The following TAOK3 variants were observed in gnomAD, a reference collection of about 807,000 sequenced individuals.
TAOK3 encodes the protein serine/threonine-protein kinase TAO3.
TAOK3 carries 40 observed loss-of-function variants against 120.4 expected under a neutral mutation model. That is an observed-to-expected ratio of 0.33 (90% CI 0.26 to 0.43). TAOK3 has a LOEUF of 0.43. Ranked by LOEUF, TAOK3 falls within the 20% of genes least tolerant of loss-of-function variation. The probability of loss-of-function intolerance (pLI) is 1.00; values close to 1 mark genes in which losing one functional copy is unlikely to be tolerated. For synonymous variants in TAOK3, 355 were observed against 387.5 expected, an observed-to-expected ratio of 0.92 and a Z score of 0.99; for missense variants, 821 against 1,112.1, an observed-to-expected ratio of 0.74 and a Z score of 3.72.
chr12:118,353,726 G>A (rs918116900), intron 1 of TAOK3, among the ~76,000 whole-genome samples: 2 of 152,184 alleles, frequency 1.3e-5, no homozygotes, highest in African/African-American at 4.8e-5. Flanking sequence ...AATGAGCCTT[G>A]AGACTATTAT....
At chr12:118,300,198 G>A (rs765627601) in intron 1 of TAOK3, among the ~76,000 whole-genome samples, 3 of 152,242 alleles carry the variant, frequency 2.0e-5, no homozygotes, top group Middle Eastern at 6.8e-3. Context: ...TAATGCAAAT[G>A]TACTCACGTG....
At chr12:118,181,065 G>T (rs999241042) in intron 15 of TAOK3, among the ~76,000 whole-genome samples, 1 of 151,878 alleles carries the variant, frequency 6.6e-6, no homozygotes, top group Non-Finnish European at 1.5e-5. Context: ...GGCTGGTCTC[G>T]AACTCCTGAC....
chr12:118,210,813 A>G (rs2038588207), intron 11 of TAOK3, among the ~76,000 whole-genome samples: 2 of 144,022 alleles, frequency 1.4e-5, no homozygotes, highest in African/African-American at 5.2e-5. Flanking sequence ...ATCTTGGCTC[A>G]CTGTAACCTC....
At chr12:118,260,492 G>A (rs975798878) in intron 2 of TAOK3, among the ~76,000 whole-genome samples, 1 of 152,078 alleles carries the variant, frequency 6.6e-6, no homozygotes. Flanking sequence ...TCATAATGAG[G>A]AGAAAAATAA....
At chr12:118,254,146 C>G (rs1385249974) in intron 3 of TAOK3, among the ~76,000 whole-genome samples, 1 of 152,210 alleles carries the variant, frequency 6.6e-6, no homozygotes, top group African/African-American at 2.4e-5. Context: ...TTGTTTTTCT[C>G]ATCAGGAGAT....
intron 2 of TAOK3, among the ~76,000 whole-genome samples, chr12:118,264,204 C>G (rs76795586): frequency 0.02 from 3,099 of 152,274 alleles, 109 homozygotes; most frequent in African/African-American, 0.071. Flanking sequence ...ATACACCTAT[C>G]ATATGATGTA....
intron 3 of TAOK3, among the ~76,000 whole-genome samples, chr12:118,253,110 G>T (rs1257420690): frequency 6.6e-6 from 1 of 152,176 alleles, no homozygotes; most frequent in African/African-American, 2.4e-5. Context: ...GTTATTGATG[G>T]TAGTGAGGGA....
chr12:118,151,674 A>C (rs150910755), intron 20 of TAOK3, among the ~76,000 whole-genome samples: 38 of 152,346 alleles, frequency 2.5e-4, no homozygotes, highest in African/African-American at 8.7e-4. Context: ...TGGTTAAGCA[A>C]ATAAATGCTT....
intron 1 of TAOK3, among the ~76,000 whole-genome samples, chr12:118,309,306 GC>G (rs1470073586): frequency 7.1e-6 from 1 of 141,406 alleles, no homozygotes; most frequent in African/African-American, 2.7e-5. Flanking sequence ...TGCAGCCTGG[GC>G]AACAGAGTGA....
intron 1 of TAOK3, among the ~76,000 whole-genome samples, chr12:118,346,777 T>A (rs1306342364): frequency 6.6e-6 from 1 of 152,246 alleles, no homozygotes; most frequent in African/African-American, 2.4e-5. Context: ...GAAAGTTTAA[T>A]CTTTCTACAT....
intron 11 of TAOK3, among the ~76,000 whole-genome samples, chr12:118,202,619 T>C (rs2038079256): frequency 6.6e-6 from 1 of 152,086 alleles, no homozygotes; most frequent in Admixed American, 6.6e-5. Context: ...AATTAGTGAA[T>C]GTTGAGTATC....
At chr12:118,189,697 G>T in intron 14 of TAOK3, 110 bp downstream of exon 14, 3 of 1,297,598 alleles carry the variant, frequency 2.3e-6, no homozygotes, top group Non-Finnish European at 2.1e-6. Flanking sequence ...AAACATTCTT[G>T]ACTCCTTTCC....
At chr12:118,166,716 T>C (rs532485519) in intron 17 of TAOK3, among the ~76,000 whole-genome samples, 3 of 152,118 alleles carry the variant, frequency 2.0e-5, no homozygotes, top group Admixed American at 6.5e-5. Flanking sequence ...CTTTAGCTTA[T>C]ACAAATTTAA....
intron 2 of TAOK3, among the ~76,000 whole-genome samples, chr12:118,257,307 A>C (rs1320882969): frequency 6.6e-6 from 1 of 152,246 alleles, no homozygotes; most frequent in African/African-American, 2.4e-5. Flanking sequence ...CCATGTAAAG[A>C]GGCAAGTTAT....
chr12:118,164,362 CAAACA>C lies in TAOK3; in HGVS notation c.1900-2340_1900-2336del, dbSNP rs765192951. Among the ~76,000 whole-genome samples, 1,080 of 151,962 alleles carry C rather than the reference CAAACA, an allele frequency of 7.1e-3. 7 individuals are homozygous for C. Among genetic ancestry groups the C allele is most frequent in the Middle Eastern group, 0.017 (5 of 292 alleles). On this transcript the variant is annotated intron_variant, in intron 17 of 20. Coordinates refer to ENST00000392533, the MANE Select transcript of TAOK3 (RefSeq NM_016281.4). ...GAAAAACAACAACGAAACAAACAAACAAACAAAAGAACGTCAAGGAAAGGAGAAAG... is the reference window on the plus strand; with the variant it reads ...GAAAAACAACAACGAAACAAACAAACAAAGAACGTCAAGGAAAGGAGAAAG...
chr12:118,151,273 TGAA>T, intron 20 of TAOK3, 115 bp from the exon 21 acceptor site: 1 of 932,256 alleles, frequency 1.1e-6, no homozygotes, highest in Non-Finnish European at 1.6e-6. Flanking sequence ...GGCACACACA[TGAA>T]GTGCGCGCGC....
chr12:118,261,943 C>T (rs1031319633), intron 2 of TAOK3, among the ~76,000 whole-genome samples: 3 of 152,094 alleles, frequency 2.0e-5, no homozygotes, highest in Non-Finnish European at 2.9e-5. Context: ...TCACTGGAAC[C>T]TCTGCCTCCC....
chr12:118,189,490 C>T lies in TAOK3; in HGVS notation c.1329+317G>A, dbSNP rs1245770001. 2.0e-5 allele frequency among the ~76,000 whole-genome samples: 3 copies of T among 149,810 alleles called. No individual in the cohort carries two copies. In the East Asian group the frequency reaches 5.9e-4, roughly 29 times the overall value. ...CAGGCTAGCAACTTCATCTCAAAGG[C>T]CTTATATTTTGCACATACAGCATAT... On this transcript the variant is annotated intron_variant, in intron 14 of 20. Coordinates refer to ENST00000392533, the MANE Select transcript of TAOK3 (RefSeq NM_016281.4).
At chr12:118,365,469 GA>G (rs1215980063) in intron 1 of TAOK3, among the ~76,000 whole-genome samples, 1 of 152,076 alleles carries the variant, frequency 6.6e-6, no homozygotes, top group Non-Finnish European at 1.5e-5. Flanking sequence ...GCCTGGTCTT[GA>G]ACTCCTGGGC....
Sources: allele counts gnomAD v4.1 joint callset (sites outside exome capture counted in the v4.1 genomes callset), GRCh38; gene constraint gnomAD v4.1.1; transcripts MANE v1.5; gene names NCBI Gene and HGNC (gene_info 2026-07-23, HGNC 2026-07-21).